The following FAM13A variants were observed in gnomAD, a reference collection of about 807,000 sequenced individuals.
FAM13A encodes family with sequence similarity 13 member A.
In FAM13A, 76 loss-of-function variants were observed where a neutral mutation model predicts 129.6. That is an observed-to-expected ratio of 0.59 (90% CI 0.49 to 0.71). FAM13A has a LOEUF of 0.71. Ranked by LOEUF, FAM13A falls within the 30% of genes least tolerant of loss-of-function variation. FAM13A has a pLI of 0.00. For synonymous variants in FAM13A, 443 were observed against 449.9 expected (o/e 0.98, Z 0.20); for missense variants, 1,108 against 1,249.3 (o/e 0.89, Z 1.70).
intron 7 of FAM13A, among the ~76,000 whole-genome samples, chr4:88,820,942 C>T (rs975766765): frequency 6.6e-6 from 1 of 152,130 alleles, no homozygotes; most frequent in Non-Finnish European, 1.5e-5. Context: ...GTTTCTATCC[C>T]TTGGTGCTCT....
intron 6 of FAM13A, among the ~76,000 whole-genome samples, chr4:88,904,658 G>A (rs1455767073): frequency 6.6e-6 from 1 of 152,096 alleles, no homozygotes; most frequent in Non-Finnish European, 1.5e-5. Context: ...GATACCTAAT[G>A]GATGCTGGGT....
intron 4 of FAM13A, among the ~76,000 whole-genome samples, chr4:88,979,543 C>T (rs932444491): frequency 6.6e-6 from 1 of 152,010 alleles, no homozygotes; most frequent in Non-Finnish European, 1.5e-5. Flanking sequence ...AGTTTCCTCA[C>T]GTGAAGAGAT....
intron 7 of FAM13A, among the ~76,000 whole-genome samples, chr4:88,816,034 T>C (rs957472174): frequency 1.3e-5 from 2 of 151,720 alleles, no homozygotes; most frequent in Admixed American, 6.6e-5. Context: ...TAAATCTTTA[T>C]CTTAAAAAAA....
chr4:88,857,936 T>C (rs1738831421), intron 6 of FAM13A, among the ~76,000 whole-genome samples: 1 of 152,224 alleles, frequency 6.6e-6, no homozygotes, highest in Non-Finnish European at 1.5e-5. Flanking sequence ...AACATTGAAA[T>C]GTTAACAATC....
intron 9 of FAM13A, among the ~76,000 whole-genome samples, chr4:88,789,661 A>G (rs1473825195): frequency 1.3e-5 from 2 of 152,218 alleles, no homozygotes; most frequent in Non-Finnish European, 2.9e-5. Flanking sequence ...TTGTATTTAC[A>G]GAGCTTACAT....
At chr4:88,908,193 T>A (rs989575210) in intron 5 of FAM13A, among the ~76,000 whole-genome samples, 2 of 152,246 alleles carry the variant, frequency 1.3e-5, no homozygotes, top group African/African-American at 4.8e-5. Context: ...CAGCACCTGC[T>A]GGTGGTAAGC....
chr4:88,818,241 TC>T (rs889985353), intron 7 of FAM13A, among the ~76,000 whole-genome samples: 2 of 151,906 alleles, frequency 1.3e-5, no homozygotes, highest in Non-Finnish European at 2.9e-5. Flanking sequence ...CCTCCAGTGA[TC>T]CCCCCCGGAC....
intron 7 of FAM13A, among the ~76,000 whole-genome samples, chr4:88,814,333 G>A (rs563502356): frequency 2.6e-5 from 4 of 152,270 alleles, no homozygotes; most frequent in African/African-American, 9.6e-5. Context: ...AATTTTGAGG[G>A]TCACGTAGGC....
chr4:88,857,718 C>T (rs1738788343), intron 6 of FAM13A, among the ~76,000 whole-genome samples: 1 of 151,856 alleles, frequency 6.6e-6, no homozygotes, highest in African/African-American at 2.4e-5. Context: ...AGTAACACTC[C>T]TTAGTTCTTT....
At position 88,852,637 on chromosome 4, in the gene FAM13A, T is replaced by C. The variant is rs1002256188; in HGVS notation, c.844-1454A>G. Among the ~76,000 whole-genome samples the C allele has an allele frequency of 4.6e-5, 7 of 152,222 alleles. No individual in the cohort carries two copies. In the East Asian group the frequency reaches 1.3e-3, roughly 29 times the overall value. On this transcript the variant is annotated intron_variant, in intron 6 of 23. Coordinates refer to ENST00000264344, the MANE Select transcript of FAM13A (RefSeq NM_014883.4). ...GAGATCATAGTCTCCTCCTATTGTT[T>C]ATCTCTTTCTCTCTCCTTTCTTTTA... is the stretch of plus-strand genomic sequence containing the variant.
At chr4:88,910,733 T>TCTGCCTCCTGGGTTCAAGCGATTCTC (rs1401157047) in intron 5 of FAM13A, among the ~76,000 whole-genome samples, 1 of 152,008 alleles carries the variant, frequency 6.6e-6, no homozygotes, top group East Asian at 1.9e-4. Context: ...CACTGCAACT[T>TCTGCCTCCTGGGTTCAAGCGATTCTC]CTGCCTCCTG....
At chr4:89,040,839 A>G (rs981947300) in intron 1 of FAM13A, among the ~76,000 whole-genome samples, 1 of 152,194 alleles carries the variant, frequency 6.6e-6, no homozygotes, top group African/African-American at 2.4e-5. Flanking sequence ...GTGGACTGGG[A>G]GAGGCAGACC....
intron 8 of FAM13A, among the ~76,000 whole-genome samples, chr4:88,800,486 ACCAGCCTAG>A (rs1487610101): frequency 1.3e-5 from 2 of 152,082 alleles, no homozygotes; most frequent in Non-Finnish European, 2.9e-5. Context: ...GGAGTTTGAG[ACCAGCCTAG>A]CCAACACAGT....
chr4:88,953,911 G>A (rs560613248), intron 4 of FAM13A, among the ~76,000 whole-genome samples: 237 of 152,084 alleles, frequency 1.6e-3, no homozygotes, highest in Middle Eastern at 3.4e-3. Flanking sequence ...CTTCTTGTAC[G>A]TATTTTTAAA....
chr4:88,748,204 T>C (rs1015869120), intron 17 of FAM13A, among the ~76,000 whole-genome samples: 7 of 152,186 alleles, frequency 4.6e-5, no homozygotes, highest in Admixed American at 3.3e-4. Context: ...ATATATGAGA[T>C]TTGATGTCTG....
At chr4:89,000,513 T>C (rs886820382) in intron 3 of FAM13A, among the ~76,000 whole-genome samples, 1 of 152,066 alleles carries the variant, frequency 6.6e-6, no homozygotes, top group East Asian at 1.9e-4. Context: ...CCTAAGGATG[T>C]GGGTGGTGGG....
chr4:88,989,780 G>A (rs1424830798), intron 4 of FAM13A: 1 of 152,148 alleles, frequency 6.6e-6, no homozygotes, highest in Non-Finnish European at 1.5e-5. Context: ...GTCTAAGTTA[G>A]TAATGAGGTA....
intron 6 of FAM13A, among the ~76,000 whole-genome samples, chr4:88,875,992 G>T (rs1742366450): frequency 6.6e-6 from 1 of 152,128 alleles, no homozygotes; most frequent in Non-Finnish European, 1.5e-5. Flanking sequence ...TCCTTTCTAG[G>T]GACACGGATG....
chr4:88,809,663 G>T (rs1391354624), intron 7 of FAM13A, among the ~76,000 whole-genome samples: 1 of 152,078 alleles, frequency 6.6e-6, no homozygotes, highest in African/African-American at 2.4e-5. Context: ...AATGATAAGT[G>T]AAGTTAGCAC....
Sources: allele counts gnomAD v4.1 joint callset (sites outside exome capture counted in the v4.1 genomes callset), GRCh38; gene constraint gnomAD v4.1.1; transcripts MANE v1.5; gene names NCBI Gene and HGNC (gene_info 2026-07-23, HGNC 2026-07-21).